UTP6: variants seen among roughly 807,000 people sequenced by gnomAD.
UTP6 encodes the protein UTP6 small subunit processome component.
Under a neutral mutation model 96.5 loss-of-function variants are expected in UTP6, and 60 were observed. The ratio of observed to expected loss-of-function variants is 0.62; its 90% CI spans 0.51 to 0.77. The LOEUF is 0.77. Ranked by LOEUF, UTP6 falls within the 30% of genes least tolerant of loss-of-function variation. The pLI, the probability that UTP6 is intolerant of heterozygous loss-of-function variation, is 0.00. For missense variants in UTP6, 637 were observed against 706.5 expected (o/e 0.90, Z 1.12); for synonymous variants, 215 against 240.1 (o/e 0.90, Z 0.96).
rs372541961 is a variant in UTP6, at chr17:31,884,503, C to T, written c.706G>A (p.Ala236Thr). The T allele has an allele frequency of 1.7e-5, 28 of 1,609,464 alleles. No homozygotes were observed. The highest frequency in any genetic ancestry group is 1.3e-4 in the East Asian group (6 of 44,738). The change falls in exon 10 of 19, where the codon GCA (alanine) becomes ACA (threonine). Residue 236 changes from alanine to threonine, a missense_variant and splice_region_variant. By Grantham distance (58) the Ala-to-Thr change is moderately conservative. Transcript: ENST00000261708. ...GAAAGCAGTGACACGTGAAATTCTG[C>T]ACCTAAATTTAAAAAGCAGGGGAGG... ...YKNSVSIIKG[A>T]EFHVSLLSIA... is the part of the protein sequence containing the mutation.
At chr17:31,891,606 C>T (rs1911498314) in intron 6 of UTP6, among the ~76,000 whole-genome samples, 1 of 152,204 alleles carries the variant, frequency 6.6e-6, no homozygotes, top group Admixed American at 6.5e-5. Context: ...TCTGTACCAG[C>T]ACTCTTCTAA....
chr17:31,892,054 G>T (rs1904351025), intron 6 of UTP6: 2 of 561,834 alleles, frequency 3.6e-6, no homozygotes, highest in Non-Finnish European at 6.3e-6. Flanking sequence ...CTTCTTGCCT[G>T]CAGATACAAC....
intron 16 of UTP6, 53 bp downstream of exon 16, chr17:31,873,325 C>T (rs1910296066): frequency 7.9e-6 from 12 of 1,525,914 alleles, no homozygotes; most frequent in Admixed American, 3.5e-5. Flanking sequence ...TGGGTATGAG[C>T]GGCTGAGCAT....
At chr17:31,872,598 C>A (rs985445388) in intron 16 of UTP6, among the ~76,000 whole-genome samples, 3 of 150,260 alleles carry the variant, frequency 2.0e-5, no homozygotes, top group African/African-American at 7.3e-5. Context: ...ACTGCTTGAG[C>A]CCAGAAGGTC....
intron 6 of UTP6, among the ~76,000 whole-genome samples, chr17:31,889,734 G>A (rs1488269736): frequency 6.6e-6 from 1 of 151,694 alleles, no homozygotes; most frequent in East Asian, 1.9e-4. Flanking sequence ...TCCTGACCTC[G>A]TGATCCGCCC....
chr17:31,873,154 C>CGAGGCAG (rs1910287001), intron 16 of UTP6: 1 of 401,240 alleles, frequency 2.5e-6, no homozygotes, highest in African/African-American at 2.1e-5. Context: ...CTCGGGAAGC[C>CGAGGCAG]GAGGCAGGAG....
intron 9 of UTP6, chr17:31,884,859 G>A (rs7213369): frequency 0.77 from 133,639 of 173,192 alleles, 51,841 homozygotes; most frequent in East Asian, 0.85. Context: ...TTCAAGACTA[G>A]CCCGGACAAC....
chr17:31,883,582 C>T (rs552791730), intron 10 of UTP6, among the ~76,000 whole-genome samples: 7 of 151,196 alleles, frequency 4.6e-5, no homozygotes, highest in Non-Finnish European at 8.9e-5. Context: ...CCCAAAGTGC[C>T]GGGATTACAG....
At chr17:31,874,190 C>A (rs542365671) in intron 14 of UTP6, 1 of 169,352 alleles carries the variant, frequency 5.9e-6, no homozygotes, top group Admixed American at 6.3e-5. Flanking sequence ...ACCCACAACA[C>A]AAGAACTAAT....
intron 2 of UTP6, 60 bp from the exon 3 acceptor site, chr17:31,895,071 C>A (rs1355763709): frequency 2.3e-6 from 3 of 1,294,860 alleles, no homozygotes; most frequent in South Asian, 1.4e-5. Context: ...CTTTTAAATA[C>A]TGGAAATTTA....
chr17:31,884,579 T>C lies in UTP6; in HGVS notation c.704-74A>G, dbSNP rs954159174. The C allele has an allele frequency of 1.0e-5, 12 of 1,160,484 alleles. No individual in the cohort carries two copies. The African/African-American group carries it at 1.9e-4, about 18-fold the overall frequency. 71.9% of individuals were successfully genotyped at this position (1,160,484 alleles called of 1,614,324 possible). On this transcript the variant is annotated intron_variant, in intron 9 of 18. Coordinates refer to ENST00000261708, the MANE Select transcript of UTP6 (RefSeq NM_018428.3). ...CTTTACTTTAAAAGTAGCATTCTTT[T>C]CATGTACTGGAGTTAATCTTCTTGT... is the stretch of plus-strand genomic sequence containing the variant.
In UTP6 at chr17:31,875,350, C is replaced by T; in HGVS notation, c.1189G>A (p.Glu397Lys). 6.2e-7 allele frequency: 1 copy of T among 1,614,178 alleles called. No individual in the cohort carries two copies. Among genetic ancestry groups the T allele is most frequent in the Non-Finnish European group, 8.5e-7 (1 of 1,180,028 alleles). ...ATTGTCCCAGAGTCTCTAAACAATT[C>T]AGTTCCAGCTACTGCCACTTCCAGA... is the stretch of plus-strand genomic sequence containing the variant. ...EALEVAVAGT[E>K]LFRDSGTMWQ... Residue 397 changes from glutamate to lysine, a missense_variant, in exon 14 of 19, where the codon GAA (glutamate) becomes AAA (lysine). Transcript: ENST00000261708.
At chr17:31,898,593 G>A (rs779197431) in intron 2 of UTP6, among the ~76,000 whole-genome samples, 22 of 152,180 alleles carry the variant, frequency 1.4e-4, no homozygotes, top group Non-Finnish European at 1.5e-4. Flanking sequence ...GAAGGAATGG[G>A]AGGCTGAGGC....
chr17:31,899,534 A>G, intron 2 of UTP6, 112 bp downstream of exon 2: 2 of 673,158 alleles, frequency 3.0e-6, no homozygotes, highest in Non-Finnish European at 4.5e-6. Flanking sequence ...TGCAGTGAGC[A>G]GAGATCACAC....
chr17:31,880,790 C>A, intron 10 of UTP6, 36 bp from the exon 11 acceptor site: 1 of 1,611,490 alleles, frequency 6.2e-7, no homozygotes, highest in Non-Finnish European at 8.5e-7. Context: ...AATCCCACAA[C>A]AAGAAACTGA....
intron 13 of UTP6, among the ~76,000 whole-genome samples, chr17:31,876,768 T>C (rs1300320528): frequency 2.0e-5 from 3 of 152,010 alleles, no homozygotes; most frequent in African/African-American, 7.2e-5. Flanking sequence ...TCCCAGCACT[T>C]TGGGAGGCCA....
intron 6 of UTP6, among the ~76,000 whole-genome samples, chr17:31,890,277 T>A (rs1284328908): frequency 6.6e-6 from 1 of 151,492 alleles, no homozygotes; most frequent in Non-Finnish European, 1.5e-5. Flanking sequence ...ATTATAGGCA[T>A]AAGCCACCGT....
rs2097505547 is a variant in UTP6 at position 31,893,663 on chromosome 17, G to C, written c.313-869C>G. ...GAAAATTGCTTCAATCTGGGAGGCA[G>C]AGGTTGCAGTGAGCCAAGATCACAC... On this transcript the variant is annotated intron_variant, in intron 4 of 18. Coordinates refer to ENST00000261708, the MANE Select transcript of UTP6 (RefSeq NM_018428.3). Among the ~76,000 whole-genome samples, 3 of 147,666 alleles carry C rather than the reference G, an allele frequency of 2.0e-5. No homozygotes were observed. In the Admixed American group the frequency reaches 2.1e-4, roughly 10 times the overall value.
rs145368222 is a variant in UTP6 at position 31,861,233 on chromosome 17, C to CA, written c.*2125dup. ...TGGACCACAGAGCAAGACTCTGTCT[C>CA]AAAAAAAAAAAATCACCACAAACAA... On this transcript the variant is annotated 3_prime_UTR_variant, in exon 19 of 19. Coordinates refer to ENST00000261708, the MANE Select transcript of UTP6 (RefSeq NM_018428.3). The CA allele has an allele frequency of 0.11, 15,178 of 139,402 alleles. 814 individuals are homozygous for CA. Among genetic ancestry groups the CA allele is most frequent in the East Asian group, 0.19 (900 of 4,804 alleles). The allele number at this position is 139,402 out of a possible 1,614,324, so 8.6% of individuals were successfully genotyped here.
Sources: allele counts gnomAD v4.1 joint callset (sites outside exome capture counted in the v4.1 genomes callset), GRCh38; gene constraint gnomAD v4.1.1; transcripts MANE v1.5; gene names NCBI Gene and HGNC (gene_info 2026-07-23, HGNC 2026-07-21).